Variants in RALYL observed in about 807,000 individuals in gnomAD.
RALYL encodes RALY RNA binding protein like.
Under a neutral mutation model 35.1 loss-of-function variants are expected in RALYL, and 29 were observed. That is an observed-to-expected ratio of 0.83 (90% CI 0.61 to 1.13). The LOEUF (loss-of-function observed/expected upper bound fraction) is 1.13, where lower values mean the gene tolerates loss of function less well. Ranked by LOEUF, RALYL falls within the 50% of genes most tolerant of loss-of-function variation. RALYL has a pLI of 0.00. For synonymous variants in RALYL, 120 were observed against 127.6 expected, an observed-to-expected ratio of 0.94 and a Z score of 0.40; for missense variants, 359 against 360.4, an observed-to-expected ratio of 1.00 and a Z score of 0.03.
At chr8:84,451,201 C>T (rs2049435409) in intron 1 of RALYL, among the ~76,000 whole-genome samples, 2 of 151,904 alleles carry the variant, frequency 1.3e-5, no homozygotes, top group African/African-American at 4.8e-5. Context: ...TCTAATATTC[C>T]AACTATATTT....
intron 1 of RALYL, among the ~76,000 whole-genome samples, chr8:84,408,123 A>G (rs900495623): frequency 6.6e-6 from 1 of 152,118 alleles, no homozygotes; most frequent in African/African-American, 2.4e-5. Context: ...CTGTAATGAT[A>G]CATTTTATAA....
intron 2 of RALYL, among the ~76,000 whole-genome samples, chr8:84,636,672 T>C (rs1207142320): frequency 6.6e-6 from 1 of 151,888 alleles, no homozygotes; most frequent in Non-Finnish European, 1.5e-5. Context: ...TTGGATATTT[T>C]ACAAGCATTT....
chr8:84,498,292 G>A (rs1341987281), intron 1 of RALYL, among the ~76,000 whole-genome samples: 1 of 151,770 alleles, frequency 6.6e-6, no homozygotes, highest in African/African-American at 2.4e-5. Context: ...CATTATCCTA[G>A]GATATTGTTC....
At chr8:84,749,324 C>T (rs1193253939) in intron 2 of RALYL, among the ~76,000 whole-genome samples, 2 of 138,634 alleles carry the variant, frequency 1.4e-5, no homozygotes, top group Admixed American at 1.4e-4. Flanking sequence ...TTGCTTGTAC[C>T]AATTTTTTTT....
chr8:84,226,511 A>G (rs905319023), intron 1 of RALYL, among the ~76,000 whole-genome samples: 1 of 152,072 alleles, frequency 6.6e-6, no homozygotes, highest in East Asian at 1.9e-4. Context: ...GATTCGAGTG[A>G]TTCTCCTGCC....
At chr8:84,592,306 A>C (rs1813480719) in intron 2 of RALYL, among the ~76,000 whole-genome samples, 1 of 152,140 alleles carries the variant, frequency 6.6e-6, no homozygotes, top group Non-Finnish European at 1.5e-5. Context: ...TTTACTTTAA[A>C]AGTTTTAAAG....
intron 1 of RALYL, among the ~76,000 whole-genome samples, chr8:84,401,762 C>T (rs73302529): frequency 0.029 from 4,278 of 148,994 alleles, 196 homozygotes; most frequent in African/African-American, 0.099. Context: ...ATCAATAGCA[C>T]TGTTTTTGAG....
At chr8:84,368,841 C>T (rs914801591) in intron 1 of RALYL, among the ~76,000 whole-genome samples, 4 of 152,068 alleles carry the variant, frequency 2.6e-5, no homozygotes, top group African/African-American at 7.2e-5. Context: ...CAGTCAGCAA[C>T]CCATAATCAA....
At chr8:84,902,601 C>T (rs1845879341) in intron 8 of RALYL, among the ~76,000 whole-genome samples, 1 of 152,144 alleles carries the variant, frequency 6.6e-6, no homozygotes, top group South Asian at 2.1e-4. Context: ...CAAATAGACA[C>T]TCTAAAAATG....
intron 1 of RALYL, among the ~76,000 whole-genome samples, chr8:84,416,590 T>C (rs575520820): frequency 6.6e-6 from 1 of 152,242 alleles, no homozygotes; most frequent in South Asian, 2.1e-4. Context: ...TGTGTAAATG[T>C]GGGATTACTT....
chr8:84,701,021 A>C (rs1011482296), intron 2 of RALYL, among the ~76,000 whole-genome samples: 1 of 152,166 alleles, frequency 6.6e-6, no homozygotes, highest in South Asian at 2.1e-4. Flanking sequence ...AAGAGGAGAA[A>C]AGCCAGTGTT....
chr8:84,219,367 T>A (rs1042435289), intron 1 of RALYL, among the ~76,000 whole-genome samples: 5 of 152,062 alleles, frequency 3.3e-5, no homozygotes, highest in African/African-American at 1.2e-4. Context: ...TCTGCCATGA[T>A]TGTAAGTTTC....
chr8:84,609,163 G>T (rs985001601), intron 2 of RALYL, among the ~76,000 whole-genome samples: 5 of 152,104 alleles, frequency 3.3e-5, no homozygotes, highest in African/African-American at 4.8e-5. Flanking sequence ...ACATCAAAGA[G>T]ATTTACACAA....
At chr8:84,578,372 A>T (rs147227414) in intron 2 of RALYL, among the ~76,000 whole-genome samples, 12 of 152,210 alleles carry the variant, frequency 7.9e-5, no homozygotes, top group Non-Finnish European at 1.6e-4. Flanking sequence ...GGGATCACCT[A>T]GGTCTGGGCT....
At chr8:84,205,667 A>G (rs980768112) in intron 1 of RALYL, among the ~76,000 whole-genome samples, 2 of 152,244 alleles carry the variant, frequency 1.3e-5, no homozygotes, top group African/African-American at 4.8e-5. Flanking sequence ...TGGGAAATCC[A>G]TGATGTCAAG....
chr8:84,266,411 C>T (rs1238579704), intron 1 of RALYL, among the ~76,000 whole-genome samples: 1 of 152,144 alleles, frequency 6.6e-6, no homozygotes, highest in African/African-American at 2.4e-5. Flanking sequence ...GAGAATGAGA[C>T]CAATGAAATC....
At chr8:84,235,176 A>G (rs1208309460) in intron 1 of RALYL, among the ~76,000 whole-genome samples, 1 of 152,202 alleles carries the variant, frequency 6.6e-6, no homozygotes, top group Non-Finnish European at 1.5e-5. Flanking sequence ...CATTCTTCAG[A>G]GTTTCTTTTT....
intron 2 of RALYL, among the ~76,000 whole-genome samples, chr8:84,558,904 C>T (rs932813527): frequency 3.3e-5 from 5 of 152,074 alleles, no homozygotes; most frequent in African/African-American, 7.2e-5. Flanking sequence ...TAGCCTTTGT[C>T]CTCTGCACTG....
intron 2 of RALYL, among the ~76,000 whole-genome samples, chr8:84,544,545 T>C (rs1293089302): frequency 6.6e-6 from 1 of 152,042 alleles, no homozygotes; most frequent in Non-Finnish European, 1.5e-5. Flanking sequence ...TAAACCAGAC[T>C]ACTGAGGTGA....
Sources: gnomAD v4.1 joint callset for allele counts (sites outside exome capture counted in the v4.1 genomes callset) on GRCh38, gnomAD v4.1.1 for gene constraint, MANE v1.5 for transcripts, NCBI Gene and HGNC (gene_info 2026-07-23, HGNC 2026-07-21) for gene names.